ARHGAP6: variants seen among roughly 807,000 people sequenced by gnomAD.
ARHGAP6 encodes rho GTPase-activating protein 6.
In ARHGAP6, 16 loss-of-function variants were observed where a neutral mutation model predicts 55.7. The observed-to-expected ratio is 0.29, with a 90% confidence interval of 0.19 to 0.44. The LOEUF (loss-of-function observed/expected upper bound fraction) is 0.44, where lower values mean the gene tolerates loss of function less well. Among genes scored for constraint, ARHGAP6 ranks in the 20% least tolerant of loss-of-function variants. The pLI is 1.00. For missense variants in ARHGAP6, 698 were observed against 808.9 expected, an observed-to-expected ratio of 0.86 and a Z score of 1.66; for synonymous variants, 382 against 360.9, an observed-to-expected ratio of 1.06 and a Z score of -0.66.
chrX:11,557,593 C>T (rs1044239017), intron 1 of ARHGAP6, among the ~76,000 whole-genome samples: 1 of 111,492 alleles, frequency 9.0e-6, no homozygotes, highest in Non-Finnish European at 1.9e-5. Context: ...AGGAACAATC[C>T]TCTAAAAATA....
chrX:11,459,113 C>T (rs764061372), intron 1 of ARHGAP6, among the ~76,000 whole-genome samples: 1 of 111,276 alleles, frequency 9.0e-6, no homozygotes, highest in Non-Finnish European at 1.9e-5. Flanking sequence ...TTAACTTCTA[C>T]TAGCCATCTT....
chrX:11,362,063 C>A (rs1182849143), intron 1 of ARHGAP6, among the ~76,000 whole-genome samples: 2 of 111,692 alleles, frequency 1.8e-5, no homozygotes, highest in African/African-American at 6.5e-5. Context: ...GGTGGGACTG[C>A]AAACTAGTTC....
At chrX:11,324,387 G>A (rs1436213030) in intron 1 of ARHGAP6, among the ~76,000 whole-genome samples, 2 of 111,404 alleles carry the variant, frequency 1.8e-5, no homozygotes, top group Non-Finnish European at 3.8e-5. Flanking sequence ...CTTTTTAGAG[G>A]GCCAAAACTC....
At chrX:11,347,265 T>C (rs1002494165) in intron 1 of ARHGAP6, among the ~76,000 whole-genome samples, 1 of 112,374 alleles carries the variant, frequency 8.9e-6, no homozygotes, top group Non-Finnish European at 1.9e-5. Context: ...GGAGTAAAGA[T>C]GATATTTGTG....
At chrX:11,322,158 T>C (rs1222501442) in intron 1 of ARHGAP6, among the ~76,000 whole-genome samples, 1 of 111,649 alleles carries the variant, frequency 9.0e-6, no homozygotes, top group East Asian at 2.8e-4. Flanking sequence ...ACAGAGTTTC[T>C]CAATCTTGGC....
chrX:11,425,459 G>T lies in ARHGAP6; in HGVS notation c.589-170752C>A, dbSNP rs754115012. 7.1e-5 allele frequency among the ~76,000 whole-genome samples: 8 copies of T among 112,303 alleles called. No individual in the cohort carries two copies. In the South Asian group the frequency reaches 2.6e-3, roughly 37 times the overall value. On this transcript the variant is annotated intron_variant, in intron 1 of 12. Transcript: ENST00000337414. ...TTAATAAAGAACATTCTCTGGACAC[G>T]TGACTGATTCAGAGCTGCTGCTTTC... is the stretch of plus-strand genomic sequence containing the variant.
chrX:11,397,896 A>G (rs2049497633), intron 1 of ARHGAP6, among the ~76,000 whole-genome samples: 1 of 111,909 alleles, frequency 8.9e-6, no homozygotes, highest in Non-Finnish European at 1.9e-5. Flanking sequence ...AACAAAAATG[A>G]AAACAAAAAC....
intron 8 of ARHGAP6, among the ~76,000 whole-genome samples, chrX:11,176,347 A>C (rs866253181): frequency 1.4e-4 from 8 of 57,982 alleles, no homozygotes; most frequent in Admixed American, 6.8e-4. Flanking sequence ...ATATATATAT[A>C]TATCTCCCCT....
At chrX:11,547,341 T>C (rs1486867163) in intron 1 of ARHGAP6, among the ~76,000 whole-genome samples, 2 of 112,295 alleles carry the variant, frequency 1.8e-5, no homozygotes, top group African/African-American at 6.5e-5. Context: ...TAGCGATCAC[T>C]TGGGAACATT....
At chrX:11,302,684 T>A (rs2048187359) in intron 1 of ARHGAP6, among the ~76,000 whole-genome samples, 1 of 111,180 alleles carries the variant, frequency 9.0e-6, no homozygotes, top group Admixed American at 9.5e-5. Context: ...AAGACACATG[T>A]GGAGACATGT....
At chrX:11,498,569 A>C (rs2050646287) in intron 1 of ARHGAP6, among the ~76,000 whole-genome samples, 1 of 111,363 alleles carries the variant, frequency 9.0e-6, no homozygotes, top group Non-Finnish European at 1.9e-5. Context: ...TGGGGGTGTC[A>C]GAGTAGGAAA....
At chrX:11,232,852 C>G (rs1335368907) in intron 2 of ARHGAP6, among the ~76,000 whole-genome samples, 3 of 111,495 alleles carry the variant, frequency 2.7e-5, no homozygotes, top group African/African-American at 6.5e-5. Flanking sequence ...TTTAGTGGTT[C>G]TGTACCTCTC....
chrX:11,484,605 GAAGAA>G (rs901980751), intron 1 of ARHGAP6, among the ~76,000 whole-genome samples: 48 of 109,178 alleles, frequency 4.4e-4, no homozygotes, highest in African/African-American at 1.4e-3. Flanking sequence ...GAAAGAAGAG[GAAGAA>G]AAGAAAAGAG....
intron 2 of ARHGAP6, among the ~76,000 whole-genome samples, chrX:11,231,390 A>G (rs2047129579): frequency 8.9e-6 from 1 of 112,446 alleles, no homozygotes; most frequent in African/African-American, 3.2e-5. Context: ...TGTACTGAAC[A>G]AAATTCAGAG....
intron 1 of ARHGAP6, among the ~76,000 whole-genome samples, chrX:11,425,810 T>G (rs552065669): frequency 8.9e-6 from 1 of 111,929 alleles, no homozygotes; most frequent in East Asian, 2.8e-4. Context: ...TTTTTAAAAT[T>G]AAGGAGCCCG....
At chrX:11,649,981 A>G (rs1294062222) in intron 1 of ARHGAP6, among the ~76,000 whole-genome samples, 2 of 105,178 alleles carry the variant, frequency 1.9e-5, no homozygotes, top group Non-Finnish European at 3.9e-5. Flanking sequence ...TGACCATTCA[A>G]CTTTCTTTTC....
intron 1 of ARHGAP6, among the ~76,000 whole-genome samples, chrX:11,308,425 A>C (rs2048259952): frequency 8.9e-6 from 1 of 111,768 alleles, no homozygotes; most frequent in Non-Finnish European, 1.9e-5. Flanking sequence ...ACAAAACCAA[A>C]GTTTTCTGAA....
intron 1 of ARHGAP6, among the ~76,000 whole-genome samples, chrX:11,443,230 G>C (rs1319037211): frequency 8.9e-6 from 1 of 112,643 alleles, no homozygotes; most frequent in Non-Finnish European, 1.9e-5. Context: ...CAGGTAGCGA[G>C]ACTCCTCTTC....
Position 11,664,872 on chromosome X carries a change from G to T in ARHGAP6, c.-44C>A. ...GAGGACCACCTCCTCCTCCCTCCCT[G>T]GACGCTGGTGGCTTTGGGTCGGGAA... On this transcript the variant is annotated 5_prime_UTR_variant, in exon 1 of 13. Coordinates refer to ENST00000337414, the MANE Select transcript of ARHGAP6 (RefSeq NM_013427.3). 1 of 1,102,667 alleles carries T rather than the reference G, an allele frequency of 9.1e-7. No homozygotes were observed. Among genetic ancestry groups the T allele is most frequent in the Non-Finnish European group, 1.2e-6 (1 of 830,501 alleles). The allele number at this position is 1,102,667 out of a possible 1,213,427, so 90.9% of individuals were successfully genotyped here. A position where few individuals can be genotyped will look rare whatever the true frequency, so the allele number is the denominator to read the frequency against.
Sources: allele counts gnomAD v4.1 joint callset (sites outside exome capture counted in the v4.1 genomes callset), GRCh38; gene constraint gnomAD v4.1.1; transcripts MANE v1.5; gene names NCBI Gene and HGNC (gene_info 2026-07-23, HGNC 2026-07-21).